Variants in CMYA5 observed in about 807,000 individuals in gnomAD.
CMYA5 encodes the protein cardiomyopathy associated 5, also known as cardiomyopathy-associated protein 5.
Under a neutral mutation model 318.9 loss-of-function variants are expected in CMYA5, and 246 were observed. The observed-to-expected ratio is 0.77, with a 90% CI of 0.70 to 0.86. CMYA5 has a LOEUF of 0.86. CMYA5 is among the 40% of genes least tolerant of loss of function. The probability of loss-of-function intolerance (pLI) is 0.00; values close to 1 mark genes in which losing one functional copy is unlikely to be tolerated. For missense variants in CMYA5, 4,589 were observed against 4,678.2 expected, an observed-to-expected ratio of 0.98 and a Z score of 0.56; for synonymous variants, 1,641 against 1,729.5, an observed-to-expected ratio of 0.95 and a Z score of 1.27.
In CMYA5 at chr5:79,730,603, G is replaced by A; in HGVS notation, c.1838G>A (p.Gly613Asp). ...AACCATGAATTACAGGAGCAAGAAG[G>A]TGAGCCAGTTCCCCCATCCAATGTA... ...DLNHELQEQE[G>D]EPVPPSNVEA... is the part of the protein sequence containing the mutation. Residue 613 changes from glycine (G) to aspartate (D), a missense_variant, in exon 2 of 13, where the codon GGT (glycine) becomes GAT (aspartate). Physicochemically the swap from Gly to Asp is moderately conservative, Grantham distance 94. This residue lies in a region of CMYA5 where 2,132 missense variants were observed against 2,131.3 expected (regional missense o/e 1.00). Coordinates refer to ENST00000446378, the MANE Select transcript of CMYA5 (RefSeq NM_153610.5). 6.2e-7 allele frequency: 1 copy of A among 1,614,020 alleles called. No homozygotes were observed. The highest frequency in any genetic ancestry group is 2.2e-5 in the East Asian group (1 of 44,890).
chr5:79,760,214 A>AC (rs1828623131), intron 7 of CMYA5, among the ~76,000 whole-genome samples: 1 of 139,436 alleles, frequency 7.2e-6, no homozygotes, highest in Non-Finnish European at 1.5e-5. Flanking sequence ...ACTGGGTTTC[A>AC]CCCCCACCCC....
At position 79,762,112 on chromosome 5, in the gene CMYA5, G is replaced by T. The variant is rs377265314; in HGVS notation, c.11407+155G>T. On this transcript the variant is annotated intron_variant, in intron 8 of 12. Coordinates refer to ENST00000446378, the MANE Select transcript of CMYA5 (RefSeq NM_153610.5). ...AACGATGACTTAAGCCTGGGGTCCT[G>T]TTCTCAAGAAGCTCATGCTCAGGTG... 7.8e-6 allele frequency: 6 copies of T among 771,224 alleles called. No individual in the cohort carries two copies. The African/African-American group carries it at 1.0e-4, about 13-fold the overall frequency. 47.8% of individuals were successfully genotyped at this position (771,224 alleles called of 1,614,324 possible).
chr5:79,709,341 T>C (rs140567554), intron 1 of CMYA5, among the ~76,000 whole-genome samples: 1 of 152,328 alleles, frequency 6.6e-6, no homozygotes, highest in Non-Finnish European at 1.5e-5. Flanking sequence ...AGAGTTATTA[T>C]AGAGGAAACT....
chr5:79,706,395 C>A (rs1014095902), intron 1 of CMYA5, among the ~76,000 whole-genome samples: 1 of 152,118 alleles, frequency 6.6e-6, no homozygotes. Context: ...CTGTGATTAG[C>A]AAGATATTAA....
chr5:79,796,760 G>A (rs1283168745), intron 12 of CMYA5, among the ~76,000 whole-genome samples: 1 of 152,092 alleles, frequency 6.6e-6, no homozygotes, highest in African/African-American at 2.4e-5. Context: ...AGAAGAGCAT[G>A]TTTTAATATA....
In CMYA5 at chr5:79,733,026, A is replaced by G; in HGVS notation, c.4261A>G (p.Ile1421Val). The G allele has an allele frequency of 6.2e-7, 1 of 1,613,430 alleles. No homozygotes were observed. Among genetic ancestry groups the G allele is most frequent in the Non-Finnish European group, 8.5e-7 (1 of 1,179,668 alleles). ...SVLAEEDKVA[I>V]KGASPIETSS... ...TCTTGCAGAAGAAGACAAGGTGGCA[A>G]TTAAAGGTGCTTCTCCCATTGAAAC... Residue 1421 changes from isoleucine (I) to valine (V), a missense_variant, in exon 2 of 13, where the codon ATT becomes GTT. Transcript: ENST00000446378.
rs371191490 is a variant in CMYA5 at position 79,730,650 on chromosome 5, G to A, written c.1885G>A (p.Val629Ile). ...TGTAGAAGCTATAGCTGAACATGCA[G>A]TTTTGTCAGAAGAAGAGAATGAGGA... is the stretch of plus-strand genomic sequence containing the variant. ...SNVEAIAEHA[V>I]LSEEENEEFE... is the part of the protein sequence containing the mutation. Residue 629 changes from valine (V) to isoleucine (I), a missense_variant, in exon 2 of 13, where the codon GTT (valine) becomes ATT (isoleucine). Physicochemically the swap from Val to Ile is conservative, Grantham distance 29. Around this residue, in one of 3 missense-constraint regions of CMYA5, gnomAD observed 2,132 missense variants for 2,131.3 expected, o/e 1.00. Transcript: ENST00000446378. 12 of 1,613,892 alleles carry A rather than the reference G, an allele frequency of 7.4e-6. No homozygotes were observed. In the African/African-American group the frequency reaches 1.5e-4, roughly 20 times the overall value.
At chr5:79,792,307 A>C (rs750472130) in intron 11 of CMYA5, among the ~76,000 whole-genome samples, 1 of 152,074 alleles carries the variant, frequency 6.6e-6, no homozygotes, top group South Asian at 2.1e-4. Context: ...GCTAAAAAAT[A>C]TACAAATGAG....
At position 79,738,298 on chromosome 5, in the gene CMYA5, T is replaced by C. The variant is rs550913959; in HGVS notation, c.9533T>C (p.Ile3178Thr). 2 of 1,613,332 alleles carry C rather than the reference T, an allele frequency of 1.2e-6. No homozygotes were observed. Among genetic ancestry groups the C allele is most frequent in the African/African-American group, 1.3e-5 (1 of 74,836 alleles). Residue 3178 changes from isoleucine to threonine, a missense_variant, in exon 2 of 13, where the codon ATT becomes ACT. Ile to Thr is a moderately conservative substitution (Grantham distance 89). Transcript: ENST00000446378. Reference sequence around the variant, plus strand: ...ATATTTCCTACCACTATTAAAGTCATTGATCCAGAATTTCTGGAGGAGCCA... The same window carrying C: ...ATATTTCCTACCACTATTAAAGTCACTGATCCAGAATTTCTGGAGGAGCCA... ...TQIFPTTIKV[I>T]DPEFLEEPPA...
At position 79,735,540 on chromosome 5, in the gene CMYA5, G is replaced by A. The variant is rs747610380; in HGVS notation, c.6775G>A (p.Gly2259Ser). ...PRGTLVKSGD[G>S]QNVKEKSMIL... The stretch of plus-strand genomic sequence containing the variant: ...AGGTACTTTAGTAAAATCTGGTGAC[G>A]GTCAAAACGTTAAAGAAAAATCCAT... The change falls in exon 2 of 13, where the codon GGT becomes AGT. Residue 2259 changes from glycine to serine, a missense_variant. By Grantham distance (56) the Gly-to-Ser change is moderately conservative. This residue lies in a region of CMYA5 where 2,431 missense variants were observed against 2,495.1 expected (regional missense o/e 0.97). Coordinates refer to ENST00000446378, the MANE Select transcript of CMYA5 (RefSeq NM_153610.5). The A allele has an allele frequency of 1.6e-5, 25 of 1,612,604 alleles. No individual in the cohort carries two copies. Among genetic ancestry groups the A allele is most frequent in the Middle Eastern group, 1.6e-4 (1 of 6,072 alleles).
At chr5:79,701,516 A>G (rs1165783058) in intron 1 of CMYA5, among the ~76,000 whole-genome samples, 2 of 152,202 alleles carry the variant, frequency 1.3e-5, no homozygotes, top group African/African-American at 4.8e-5. Context: ...TCTCACACAC[A>G]CAAAACCACA....
At chr5:79,792,363 T>C (rs1329065832) in intron 11 of CMYA5, among the ~76,000 whole-genome samples, 6 of 152,254 alleles carry the variant, frequency 3.9e-5, no homozygotes, top group Non-Finnish European at 7.3e-5. Flanking sequence ...TGAGCTTTTC[T>C]GTCTTTTGGA....
intron 5 of CMYA5, 143 bp downstream of exon 5, chr5:79,747,256 CT>C: frequency 1.6e-6 from 1 of 632,664 alleles, no homozygotes; most frequent in Non-Finnish European, 2.5e-6. Context: ...AGACACAGTG[CT>C]TTTAAAAGCT....
chr5:79,766,963 A>C (rs1828765968), intron 9 of CMYA5, among the ~76,000 whole-genome samples: 1 of 152,150 alleles, frequency 6.6e-6, no homozygotes, highest in Non-Finnish European at 1.5e-5. Context: ...TAGGATATTA[A>C]TTACTGTCTC....
chr5:79,737,550 G>A lies in CMYA5; in HGVS notation c.8785G>A (p.Val2929Met), dbSNP rs1403525106. The change falls in exon 2 of 13, where the codon GTG becomes ATG. Residue 2929 changes from valine (V) to methionine (M), a missense_variant. Val to Met is a conservative substitution (Grantham distance 21). Coordinates refer to ENST00000446378, the MANE Select transcript of CMYA5 (RefSeq NM_153610.5). The stretch of plus-strand genomic sequence containing the variant: ...ATATGCAAAAGGTGAAGACTTTACA[G>A]TGACTAGTAAGCCAGCCGGACTTTC... ...DTYAKGEDFT[V>M]TSKPAGLSED... 6 of 1,613,530 alleles carry A rather than the reference G, an allele frequency of 3.7e-6. No homozygotes were observed. The highest frequency in any genetic ancestry group is 3.4e-6 in the Non-Finnish European group (4 of 1,179,776).
At position 79,732,192 on chromosome 5, in the gene CMYA5, AG is replaced by A; in HGVS notation, c.3428del (p.Ser1143IlefsTer4). On this transcript the variant is annotated frameshift_variant, in exon 2 of 13. Transcript: ENST00000446378. LOFTEE classifies it high-confidence loss of function. ...AGTGGAGAAGGGAGAAAGGGAGGCA[AG>A]TTCATCAGTAGCTGCAATACCTGCT... ...SEVEKGEREA[S>X]SSVAAIPAAL... The A allele has an allele frequency of 6.2e-7, 1 of 1,613,942 alleles. No homozygotes were observed. Among genetic ancestry groups the A allele is most frequent in the Admixed American group, 1.7e-5 (1 of 60,002 alleles).
At chr5:79,777,055 A>G (rs1828951947) in intron 9 of CMYA5, among the ~76,000 whole-genome samples, 1 of 152,192 alleles carries the variant, frequency 6.6e-6, no homozygotes, top group African/African-American at 2.4e-5. Flanking sequence ...CTGAATTATC[A>G]AATTCCTGGA....
rs557048500 is a variant in CMYA5, at chr5:79,744,365, G to A, written c.10734+443G>A. Reference sequence around the variant, plus strand: ...AGTGTCCCATGCCCAGGGCCAGTGAGTGCCTCTCATAGCACGACTATCTCT... The same window carrying A: ...AGTGTCCCATGCCCAGGGCCAGTGAATGCCTCTCATAGCACGACTATCTCT... On this transcript the variant is annotated intron_variant, in intron 3 of 12. Transcript: ENST00000446378. Among the ~76,000 whole-genome samples the A allele has an allele frequency of 1.6e-4, 24 of 152,308 alleles. No individual in the cohort carries two copies. In the South Asian group the frequency reaches 4.8e-3, roughly 30 times the overall value.
At chr5:79,789,175 T>A in intron 10 of CMYA5, 71 bp downstream of exon 10, 2 of 1,542,846 alleles carry the variant, frequency 1.3e-6, no homozygotes, top group Admixed American at 3.7e-5. Flanking sequence ...AGAGAAGATG[T>A]CCTAGAGGGC....
Sources: allele counts gnomAD v4.1 joint callset (sites outside exome capture counted in the v4.1 genomes callset), GRCh38; gene constraint gnomAD v4.1.1; regional missense constraint gnomAD v4.1.1; transcripts MANE v1.5; gene names NCBI Gene and HGNC (gene_info 2026-07-23, HGNC 2026-07-21).